Variants in FKBP15 observed in about 807,000 individuals in gnomAD.
FKBP15 encodes the protein FK506-binding protein 15.
In FKBP15, 106 loss-of-function variants were observed where a neutral mutation model predicts 158.1. The ratio of observed to expected loss-of-function variants is 0.67; its 90% CI spans 0.57 to 0.79. The LOEUF is 0.79. FKBP15 is among the 30% of genes least tolerant of loss of function. The pLI, the probability that FKBP15 is intolerant of heterozygous loss-of-function variation, is 0.00. For synonymous variants in FKBP15, 547 were observed against 548.6 expected, an observed-to-expected ratio of 1.00 and a Z score of 0.04; for missense variants, 1,287 against 1,479.1, an observed-to-expected ratio of 0.87 and a Z score of 2.13.
In FKBP15 at chr9:113,162,916, AGCTG is replaced by A. The variant is rs1830039056; in HGVS notation, c.*3158_*3161del. 6.2e-7 allele frequency: 1 copy of A among 1,605,726 alleles called. No individual in the cohort carries two copies. Among genetic ancestry groups the A allele is most frequent in the African/African-American group, 1.3e-5 (1 of 74,550 alleles). Reference sequence around the variant, plus strand: ...GCTTACCCACTTCTCAGCACAGCTTAGCTGGTGAGGAACGTGCAGGCACTGAGGC... The same window carrying A: ...GCTTACCCACTTCTCAGCACAGCTTAGTGAGGAACGTGCAGGCACTGAGGC... On this transcript the variant is annotated 3_prime_UTR_variant, in exon 28 of 28. Transcript: ENST00000238256.
At chr9:113,171,508 A>G (rs1830207858) in intron 24 of FKBP15, 73 bp downstream of exon 24, 2 of 1,530,066 alleles carry the variant, frequency 1.3e-6, no homozygotes, top group Non-Finnish European at 8.8e-7. Context: ...AGCTATTAAC[A>G]CAACATACTG....
intron 23 of FKBP15, among the ~76,000 whole-genome samples, chr9:113,172,696 A>G (rs1830235466): frequency 6.6e-6 from 1 of 152,230 alleles, no homozygotes. Flanking sequence ...ATGAAAAAAG[A>G]GCAGGAGGGT....
chr9:113,211,467 CTT>C lies in FKBP15; in HGVS notation c.169+8_169+9del. On this transcript the variant is annotated splice_region_variant and intron_variant, in intron 2 of 27. Coordinates refer to ENST00000238256, the MANE Select transcript of FKBP15 (RefSeq NM_015258.2). ...AGCCACCTCGCTCGGCTAATACACT[CTT>C]AACTTACCTGTTGCTGCCGTTCCCT... 1 of 1,598,694 alleles carries C rather than the reference CTT, an allele frequency of 6.3e-7. No homozygotes were observed. Among genetic ancestry groups the C allele is most frequent in the Non-Finnish European group, 8.5e-7 (1 of 1,172,032 alleles).
chr9:113,176,537 C>T lies in FKBP15; in HGVS notation c.2223G>A (p.Lys741=). ...TGGCCAACTGGGTTGTAGAGCTTAC[C>T]TTTTCCAAGGACTCCTTCTCAACTC... ...DLRVEKESLE[K]NLSERKKKSA... The change falls in exon 21 of 28, where the codon AAG becomes AAA. Residue 741 remains lysine, a splice_region_variant and synonymous_variant. Transcript: ENST00000238256. The T allele has an allele frequency of 6.4e-7, 1 of 1,553,356 alleles. No homozygotes were observed. Among genetic ancestry groups the T allele is most frequent in the Non-Finnish European group, 8.7e-7 (1 of 1,147,550 alleles).
chr9:113,187,834 C>T lies in FKBP15; in HGVS notation c.1342G>A (p.Asp448Asn), dbSNP rs45559933. 0.037 allele frequency: 59,425 copies of T among 1,613,640 alleles called. 1,417 individuals carry two copies. The highest frequency in any genetic ancestry group is 0.043 in the Non-Finnish European group (50,362 of 1,179,650). Residue 448 changes from aspartate (D) to asparagine (N), a missense_variant, in exon 14 of 28, where the codon GAT becomes AAT. Asp to Asn is a conservative substitution (Grantham distance 23). Coordinates refer to ENST00000238256, the MANE Select transcript of FKBP15 (RefSeq NM_015258.2). ...SAALMQVSSL[D>N]SHSAVSGNAQ... is the part of the protein sequence containing the mutation. ...TTTCCAGATACAGCTGAGTGGGAAT[C>T]GAGAGATGACACTTGCATTAAGGCA...
chr9:113,212,965 C>A (rs754554930), intron 1 of FKBP15, among the ~76,000 whole-genome samples: 15 of 152,196 alleles, frequency 9.9e-5, no homozygotes, highest in Non-Finnish European at 1.6e-4. Flanking sequence ...ATGCCCACTG[C>A]CCCAGCAAAA....
chr9:113,198,984 A>T lies in FKBP15; in HGVS notation c.649-61T>A. The T allele has an allele frequency of 9.1e-7, 1 of 1,097,788 alleles. No homozygotes were observed. The highest frequency in any genetic ancestry group is 2.6e-5 in the East Asian group (1 of 39,058). 68.0% of individuals were successfully genotyped at this position (1,097,788 alleles called of 1,614,324 possible). ...TTCAAAAATAATAATAACCATTATGATATTCAACTAACTACATACCAGCAC... is the reference window on the plus strand; with the variant it reads ...TTCAAAAATAATAATAACCATTATGTTATTCAACTAACTACATACCAGCAC... On this transcript the variant is annotated intron_variant, in intron 7 of 27. Transcript: ENST00000238256. The surrounding 1 kb of genome is among the most constrained non-coding windows in gnomAD (Gnocchi z 5.2).
intron 19 of FKBP15, 22 bp from the exon 20 acceptor site, chr9:113,178,823 T>C (rs1368545668): frequency 1.3e-6 from 2 of 1,585,138 alleles, no homozygotes; most frequent in African/African-American, 2.7e-5. Flanking sequence ...CAAAGTATGA[T>C]GTCACTTTAA....
chr9:113,221,091 CG>C (rs1831244145), intron 1 of FKBP15, 99 bp downstream of exon 1: 3 of 1,317,962 alleles, frequency 2.3e-6, no homozygotes, highest in Non-Finnish European at 3.1e-6. Context: ...GGTCTCCCCC[CG>C]GAAGTTGGGA....
chr9:113,169,757 T>G lies in FKBP15; in HGVS notation c.2952A>C (p.Ser984=). The change falls in exon 26 of 28, where the codon TCA becomes TCC. Residue 984 remains serine, a synonymous_variant. Transcript: ENST00000238256. ...GGACAGCTTCCTCGACCACCTGCTC[T>G]GAGGGCACCATGGGGGACTCTGGCC... The part of the protein sequence containing the change: ...RERPESPMVP[S]EQVVEEAVPL... 6.2e-7 allele frequency: 1 copy of G among 1,609,952 alleles called. No individual in the cohort carries two copies. Among genetic ancestry groups the G allele is most frequent in the Non-Finnish European group, 8.5e-7 (1 of 1,178,102 alleles).
chr9:113,161,448 G>A lies in FKBP15; in HGVS notation c.*4630C>T, dbSNP rs75343617. The A allele has an allele frequency of 6.5e-3, 9,547 of 1,469,398 alleles. 65 individuals are homozygous for A. Among genetic ancestry groups the A allele is most frequent in the Non-Finnish European group, 6.6e-3 (6,970 of 1,055,508 alleles). The allele number at this position is 1,469,398 out of a possible 1,614,324, so 91.0% of individuals were successfully genotyped here. On this transcript the variant is annotated 3_prime_UTR_variant, in exon 28 of 28. Transcript: ENST00000238256. ...GAGTGGATTCCATGAACAGGTGGAG[G>A]TGCTGGAAGGGAAACAGTGCTGGCC...
rs1830053601 is a variant in FKBP15, at chr9:113,163,715, AGAT to A, written c.*2360_*2362del. 1.3e-5 allele frequency: 2 copies of A among 152,548 alleles called. No homozygotes were observed. The highest frequency in any genetic ancestry group is 2.1e-4 in the South Asian group (1 of 4,828). The allele number at this position is 152,548 out of a possible 1,614,324, so 9.4% of individuals were successfully genotyped here. Reference sequence around the variant, plus strand: ...CCAGAAGGCACTGCCTGCAGGAAGAAGATGATCTGATGGCCGTGGGTGTCTGGG... The same window carrying A: ...CCAGAAGGCACTGCCTGCAGGAAGAAGATCTGATGGCCGTGGGTGTCTGGG... On this transcript the variant is annotated 3_prime_UTR_variant, in exon 28 of 28. Coordinates refer to ENST00000238256, the MANE Select transcript of FKBP15 (RefSeq NM_015258.2).
At chr9:113,173,680 ATCT>A in intron 22 of FKBP15, 75 bp from the exon 23 acceptor site, 3 of 1,492,048 alleles carry the variant, frequency 2.0e-6, no homozygotes, top group Non-Finnish European at 2.7e-6. Flanking sequence ...AGGGAAACCC[ATCT>A]TTCAAAAAGC....
chr9:113,192,612 CTCT>C (rs1345269625), intron 11 of FKBP15, among the ~76,000 whole-genome samples: 6 of 152,156 alleles, frequency 3.9e-5, no homozygotes, highest in Non-Finnish European at 5.9e-5. Flanking sequence ...TACAGAGCTC[CTCT>C]GTGAGAATGA....
At chr9:113,214,617 C>G (rs771902670) in intron 1 of FKBP15, among the ~76,000 whole-genome samples, 5 of 152,166 alleles carry the variant, frequency 3.3e-5, no homozygotes, top group Non-Finnish European at 7.3e-5. Flanking sequence ...GGTACATGAG[C>G]AACGGCTTCA....
At position 113,190,501 on chromosome 9, in the gene FKBP15, T is replaced by C; in HGVS notation, c.1143A>G (p.Pro381=). ...MGQPMLPILP[P]QLDSNDSEIE... Reference sequence around the variant, plus strand: ...TTTCTGAATCATTGGAATCCAGCTGTGGTGGAAGGATGGGCAGCATGGGCT... The same window carrying C: ...TTTCTGAATCATTGGAATCCAGCTGCGGTGGAAGGATGGGCAGCATGGGCT... Residue 381 remains proline, a synonymous_variant, in exon 12 of 28, where the codon CCA becomes CCG. Transcript: ENST00000238256. The C allele has an allele frequency of 6.2e-7, 1 of 1,612,054 alleles. No homozygotes were observed. The highest frequency in any genetic ancestry group is 8.5e-7 in the Non-Finnish European group (1 of 1,179,102).
chr9:113,162,632 A>G lies in FKBP15; in HGVS notation c.*3446T>C. 1 of 940,222 alleles carries G rather than the reference A, an allele frequency of 1.1e-6. No homozygotes were observed. The allele number at this position is 940,222 out of a possible 1,614,324, so 58.2% of individuals were successfully genotyped here. A position where few individuals can be genotyped will look rare whatever the true frequency, so the allele number is the denominator to read the frequency against. ...GAAATCACTCCTGGGTTAAGCATAC[A>G]AGTTATAAATCAATCGGGTCACGTA... On this transcript the variant is annotated 3_prime_UTR_variant, in exon 28 of 28. Transcript: ENST00000238256.
chr9:113,174,351 G>C, intron 22 of FKBP15, 77 bp downstream of exon 22: 1 of 1,496,042 alleles, frequency 6.7e-7, no homozygotes, highest in Non-Finnish European at 9.0e-7. Flanking sequence ...TAAAGGGTAA[G>C]GAAGAAACCA....
chr9:113,209,758 GT>G, intron 2 of FKBP15, among the ~76,000 whole-genome samples: 1 of 152,308 alleles, frequency 6.6e-6, no homozygotes, highest in South Asian at 2.1e-4. Context: ...ATGACCAATT[GT>G]TTTTTGTTCT....
Sources: allele counts gnomAD v4.1 joint callset (sites outside exome capture counted in the v4.1 genomes callset), GRCh38; gene constraint gnomAD v4.1.1; non-coding constraint Gnocchi (gnomAD v3.1); transcripts MANE v1.5; gene names NCBI Gene and HGNC (gene_info 2026-07-23, HGNC 2026-07-21).